Variants in ART3 observed in about 807,000 individuals in gnomAD.
ART3 encodes ADP-ribosyltransferase 3 (inactive), also known as ecto-ADP-ribosyltransferase 3.
Under a neutral mutation model 48.5 loss-of-function variants are expected in ART3, and 49 were observed. That is an observed-to-expected ratio of 1.01 (90% confidence interval 0.80 to 1.28). The LOEUF (loss-of-function observed/expected upper bound fraction) is 1.28. Among genes scored for constraint, ART3 ranks in the 50% most tolerant of loss-of-function variants. The pLI is 0.00. For synonymous variants in ART3, 145 were observed against 157.2 expected, an observed-to-expected ratio of 0.92 and a Z score of 0.58; for missense variants, 438 against 454.3, an observed-to-expected ratio of 0.96 and a Z score of 0.33.
At chr4:76,092,930 A>G (rs1489226770) in intron 3 of ART3, among the ~76,000 whole-genome samples, 1 of 152,246 alleles carries the variant, frequency 6.6e-6, no homozygotes, top group Non-Finnish European at 1.5e-5. Flanking sequence ...TTAAAACAAC[A>G]CATCTAGATT....
chr4:76,071,305 C>A (rs1038594716), upstream of ART3, among the ~76,000 whole-genome samples: 1 of 150,486 alleles, frequency 6.6e-6, no homozygotes, highest in African/African-American at 2.5e-5. Context: ...GAGGCGGAGG[C>A]TGCAGTGAGC....
At position 76,053,393 on chromosome 4, in the gene ART3, A is replaced by G. The variant is rs551617337; in HGVS notation, c.-9-22488A>G. 4.9e-5 allele frequency among the ~76,000 whole-genome samples: 7 copies of G among 142,202 alleles called. No individual in the cohort carries two copies. In the South Asian group the frequency reaches 1.4e-3, roughly 28 times the overall value. 93.3% of individuals were successfully genotyped at this position (142,202 alleles called of 152,430 possible). A position where few individuals can be genotyped will look rare whatever the true frequency, so the allele number is the denominator to read the frequency against. On this transcript the variant is annotated intron_variant, in intron 1 of 9. Coordinates refer to the ART3 transcript ENST00000341029. ...TCTGAAAAGAAAACAGTGTTTCTCTACCTTTTTGGTAGAAGAGTTACTAAA... is the reference window on the plus strand; with the variant it reads ...TCTGAAAAGAAAACAGTGTTTCTCTGCCTTTTTGGTAGAAGAGTTACTAAA...
upstream of ART3, among the ~76,000 whole-genome samples, chr4:76,074,497 G>C (rs1720662544): frequency 6.6e-6 from 1 of 152,166 alleles, no homozygotes; most frequent in Admixed American, 6.5e-5. Context: ...GAGAAGCCCA[G>C]AACTGTGGGC....
chr4:76,018,745 G>C (rs1393850767), intron 1 of ART3, among the ~76,000 whole-genome samples: 1 of 152,196 alleles, frequency 6.6e-6, no homozygotes, highest in African/African-American at 2.4e-5. Flanking sequence ...ACATATGCCA[G>C]AGCTGAGCAT....
At chr4:76,031,013 A>G (rs1460341674) in intron 1 of ART3, among the ~76,000 whole-genome samples, 1 of 152,152 alleles carries the variant, frequency 6.6e-6, no homozygotes, top group African/African-American at 2.4e-5. Flanking sequence ...TGGATTATAT[A>G]GTAATATATA....
Position 76,081,663 on chromosome 4 carries a change from A to G in ART3, c.70-161A>G, listed in dbSNP as rs548259726. 5.1e-4 allele frequency among the ~76,000 whole-genome samples: 78 copies of G among 152,370 alleles called. 1 individual carries two copies. Among genetic ancestry groups the G allele is most frequent in the African/African-American group, 1.8e-3 (73 of 41,590 alleles). Reference sequence around the variant, plus strand: ...GGCACAGCTGAGAAAAGTTATCAATAGCAATGGAATATACTTCCTGCATAA... The same window carrying G: ...GGCACAGCTGAGAAAAGTTATCAATGGCAATGGAATATACTTCCTGCATAA... On this transcript the variant is annotated intron_variant, in intron 2 of 11. Transcript: ENST00000355810.
At chr4:76,018,565 C>T (rs1234644932) in intron 1 of ART3, among the ~76,000 whole-genome samples, 2 of 152,090 alleles carry the variant, frequency 1.3e-5, no homozygotes, top group Admixed American at 1.3e-4. Flanking sequence ...AACAAACCTG[C>T]ATGCGTACTC....
chr4:76,021,675 A>G (rs1422323226), intron 1 of ART3: 1 of 470,942 alleles, frequency 2.1e-6, no homozygotes, highest in African/African-American at 2.0e-5. Flanking sequence ...CACTAAGAAC[A>G]TAGCACCTCA....
At chr4:76,026,755 G>C (rs541563895) in intron 1 of ART3, among the ~76,000 whole-genome samples, 1 of 152,320 alleles carries the variant, frequency 6.6e-6, no homozygotes, top group South Asian at 2.1e-4. Context: ...AATATCCTCA[G>C]TGCATATCAT....
intron 3 of ART3, among the ~76,000 whole-genome samples, chr4:76,089,346 G>A (rs1724307315): frequency 6.6e-6 from 1 of 150,828 alleles, no homozygotes; most frequent in Non-Finnish European, 1.5e-5. Flanking sequence ...ATGGGGCCTG[G>A]AAGGAGGTGA....
chr4:76,092,216 A>G (rs1033942618), intron 3 of ART3, among the ~76,000 whole-genome samples: 3 of 152,196 alleles, frequency 2.0e-5, no homozygotes, highest in African/African-American at 7.2e-5. Context: ...TAAAAAATAT[A>G]CTTTTCCAAC....
At chr4:76,049,980 C>G (rs1246124564) in intron 1 of ART3, among the ~76,000 whole-genome samples, 1 of 151,336 alleles carries the variant, frequency 6.6e-6, no homozygotes, top group East Asian at 1.9e-4. Context: ...AGCTGCAGAC[C>G]TTAGCGGTGA....
intron 1 of ART3, among the ~76,000 whole-genome samples, chr4:76,047,660 T>G (rs1280546765): frequency 6.6e-6 from 1 of 151,912 alleles, no homozygotes; most frequent in Non-Finnish European, 1.5e-5. Context: ...AAGGTCCCAG[T>G]GGGGATCCAT....
At chr4:76,019,719 G>T (rs914726937) in intron 1 of ART3, among the ~76,000 whole-genome samples, 2 of 151,012 alleles carry the variant, frequency 1.3e-5, no homozygotes, top group Admixed American at 6.6e-5. Flanking sequence ...CTCCCAAAGT[G>T]CTGGGATTAC....
In ART3 at chr4:76,050,613, G is replaced by A. The variant is rs575888232; in HGVS notation, c.-9-25268G>A. ...CTTCACGCAGTGGATCCCGCACCAG[G>A]GCTGCAGGTGGAGCTGCCTGCCAGT... On this transcript the variant is annotated intron_variant, in intron 1 of 9. Coordinates refer to the ART3 transcript ENST00000341029. Among the ~76,000 whole-genome samples, 35 of 152,332 alleles carry A rather than the reference G, an allele frequency of 2.3e-4. 1 individual carries two copies. The East Asian group carries it at 6.4e-3, about 28-fold the overall frequency.
chr4:76,073,600 T>G (rs934891341), upstream of ART3, among the ~76,000 whole-genome samples: 1 of 152,198 alleles, frequency 6.6e-6, no homozygotes, highest in African/African-American at 2.4e-5. Context: ...CATAAGTATA[T>G]AGCTCACTGA....
intron 1 of ART3, among the ~76,000 whole-genome samples, chr4:76,052,152 G>A (rs192387222): frequency 6.6e-6 from 1 of 152,112 alleles, no homozygotes; most frequent in African/African-American, 2.4e-5. Context: ...AGGCTGAGGT[G>A]GGCAGATCAC....
chr4:76,087,047 G>A (rs1352859104), intron 3 of ART3, among the ~76,000 whole-genome samples: 1 of 152,190 alleles, frequency 6.6e-6, no homozygotes, highest in African/African-American at 2.4e-5. Flanking sequence ...TGTTTTTGAT[G>A]CCTTTGGCCA....
In ART3 at chr4:76,102,118, A is replaced by G. The variant is rs558973267; in HGVS notation, c.937+1099A>G. Among the ~76,000 whole-genome samples, 99 of 152,368 alleles carry G rather than the reference A, an allele frequency of 6.5e-4. No individual in the cohort carries two copies. The South Asian group carries it at 0.02, about 31-fold the overall frequency. ...AGCTGAGCACAGAAGTTTGGCTTTA[A>G]AGACAGAGAAGAGCCAAAGAAAGTG... On this transcript the variant is annotated intron_variant, in intron 8 of 11. Coordinates refer to ENST00000355810, the MANE Select transcript of ART3 (RefSeq NM_001130016.3).
Sources: gnomAD v4.1 joint callset for allele counts (sites outside exome capture counted in the v4.1 genomes callset) on GRCh38, gnomAD v4.1.1 for gene constraint, MANE v1.5 for transcripts, NCBI Gene and HGNC (gene_info 2026-07-23, HGNC 2026-07-21) for gene names.